QRSL1: variants seen among roughly 807,000 people sequenced by gnomAD.
QRSL1 encodes glutaminyl-tRNA amidotransferase subunit QRSL1.
A neutral mutation model predicts 61.6 loss-of-function variants in QRSL1; 54 were observed. That is an observed-to-expected ratio of 0.88 (90% CI 0.70 to 1.10). QRSL1 has a LOEUF of 1.10. Among genes scored for constraint, QRSL1 ranks in the 50% least tolerant of loss-of-function variants. QRSL1 has a pLI of 0.00. For synonymous variants in QRSL1, 228 were observed against 225.7 expected (o/e 1.01, Z -0.09); for missense variants, 505 against 622.6 (o/e 0.81, Z 2.01).
intron 5 of QRSL1, among the ~76,000 whole-genome samples, 175 bp downstream of exon 5, chr6:106,649,376 T>A (rs1286209289): frequency 1.3e-5 from 2 of 151,664 alleles, no homozygotes; most frequent in African/African-American, 4.9e-5. Flanking sequence ...CAGTACACTA[T>A]GTATATTTAA....
At chr6:106,644,040 T>C (rs1395719562) in intron 4 of QRSL1, among the ~76,000 whole-genome samples, 1 of 151,788 alleles carries the variant, frequency 6.6e-6, no homozygotes, top group Non-Finnish European at 1.5e-5. Flanking sequence ...CCCAGCTAAG[T>C]TTTGTATTTT....
At chr6:106,664,001 G>A (rs78339456) in intron 10 of QRSL1, among the ~76,000 whole-genome samples, 2,901 of 152,168 alleles carry the variant, frequency 0.019, 80 homozygotes, top group African/African-American at 0.068. Context: ...GAAAGTTTCA[G>A]ATGTCATGAC....
rs760348327 is a variant in QRSL1 at position 106,665,839 on chromosome 6, TGC to T, written c.1425_1426del (p.Gln476ValfsTer8). On this transcript the variant is annotated frameshift_variant, in exon 11 of 11. Transcript: ENST00000369046. LOFTEE classifies it high-confidence loss of function. ...TCAAACCAAGGGTTGCCAATAGGAC[TGC>T]AGTTTATTGGACGTGCGTTTTGTGA... 3 of 1,613,984 alleles carry T rather than the reference TGC, an allele frequency of 1.9e-6. No homozygotes were observed. Among genetic ancestry groups the T allele is most frequent in the Non-Finnish European group, 2.5e-6 (3 of 1,179,854 alleles).
chr6:106,666,316 C>T lies in QRSL1; in HGVS notation c.*314C>T, dbSNP rs1014607651. On this transcript the variant is annotated 3_prime_UTR_variant, in exon 11 of 11. Coordinates refer to ENST00000369046, the MANE Select transcript of QRSL1 (RefSeq NM_018292.5). ...TGGGTGACAAAGCAAGACTGTGTCT[C>T]AAAATAAATAAATAAAATAAAATAA... 8 of 270,858 alleles carry T rather than the reference C, an allele frequency of 3.0e-5. No individual in the cohort carries two copies. Among genetic ancestry groups the T allele is most frequent in the Non-Finnish European group, 5.7e-5 (8 of 140,758 alleles). 16.8% of individuals were successfully genotyped at this position (270,858 alleles called of 1,614,324 possible).
At chr6:106,642,572 G>A in intron 3 of QRSL1, 1 of 737,794 alleles carries the variant, frequency 1.4e-6, no homozygotes, top group Admixed American at 1.7e-5. Context: ...AGGTGATGTG[G>A]ACATCAAGGG....
intron 4 of QRSL1, among the ~76,000 whole-genome samples, chr6:106,645,257 T>C (rs1777089336): frequency 6.6e-6 from 1 of 152,228 alleles, no homozygotes; most frequent in Admixed American, 6.5e-5. Flanking sequence ...ACAAACAAGT[T>C]TAATGGGATT....
intron 4 of QRSL1, among the ~76,000 whole-genome samples, chr6:106,646,647 T>C (rs113388521): frequency 7.0e-6 from 1 of 143,614 alleles, no homozygotes; most frequent in African/African-American, 2.5e-5. Context: ...AAAAAAAAAA[T>C]TAAAAAAAAC....
At position 106,640,465 on chromosome 6, in the gene QRSL1, G is replaced by A. The variant is rs758616388; in HGVS notation, c.141G>A (p.Val47=). Residue 47 remains valine, a synonymous_variant, in exon 2 of 11, where the codon GTG becomes GTA. Coordinates refer to ENST00000369046, the MANE Select transcript of QRSL1 (RefSeq NM_018292.5). The part of the protein sequence containing the change: ...LNAYITVSEE[V]ALKQAEESEK... ...CCTACATTACTGTGTCAGAAGAGGTGGCCTTAAAACAAGCTGAAGAATCAG... is the reference window on the plus strand; with the variant it reads ...CCTACATTACTGTGTCAGAAGAGGTAGCCTTAAAACAAGCTGAAGAATCAG... The A allele has an allele frequency of 3.1e-5, 49 of 1,599,824 alleles. No homozygotes were observed. Among genetic ancestry groups the A allele is most frequent in the Admixed American group, 2.0e-4 (11 of 55,696 alleles).
chr6:106,641,462 C>G (rs1030649258), intron 3 of QRSL1, among the ~76,000 whole-genome samples: 1 of 152,134 alleles, frequency 6.6e-6, no homozygotes, highest in Admixed American at 6.5e-5. Context: ...TTTCCTGATT[C>G]CTCTATCTCT....
At chr6:106,635,761 C>A (rs1415845499) in intron 1 of QRSL1, among the ~76,000 whole-genome samples, 3 of 151,916 alleles carry the variant, frequency 2.0e-5, no homozygotes. Context: ...ATCCCAGCTA[C>A]TCAGGAGGCT....
At chr6:106,658,483 G>A (rs764383369) in intron 9 of QRSL1, among the ~76,000 whole-genome samples, 2 of 152,122 alleles carry the variant, frequency 1.3e-5, no homozygotes, top group Non-Finnish European at 2.9e-5. Flanking sequence ...GAGCCCAGGA[G>A]TGAGAGCCTG....
intron 1 of QRSL1, among the ~76,000 whole-genome samples, chr6:106,637,412 A>G (rs954431684): frequency 6.6e-6 from 1 of 152,158 alleles, no homozygotes; most frequent in Non-Finnish European, 1.5e-5. Context: ...AGAGGATAGG[A>G]GCAATAGTAA....
chr6:106,633,095 T>C (rs868404297), intron 1 of QRSL1, among the ~76,000 whole-genome samples: 1 of 152,248 alleles, frequency 6.6e-6, no homozygotes, highest in African/African-American at 2.4e-5. Flanking sequence ...AGAAAAGAAC[T>C]ATTTAGGAGA....
In QRSL1 at chr6:106,650,617, A is replaced by G. The variant is rs144393882; in HGVS notation, c.557+1416A>G. On this transcript the variant is annotated intron_variant, in intron 5 of 10. Transcript: ENST00000369046. ...TTTAAAATAGGAAGATTCCTGGAGTACTGTGCAGCCACTAAAAAGAATAAG... is the reference window on the plus strand; with the variant it reads ...TTTAAAATAGGAAGATTCCTGGAGTGCTGTGCAGCCACTAAAAAGAATAAG... Among the ~76,000 whole-genome samples, 277 of 152,310 alleles carry G rather than the reference A, an allele frequency of 1.8e-3. 1 individual carries two copies. The highest frequency in any genetic ancestry group is 6.4e-3 in the African/African-American group (268 of 41,574).
In QRSL1 at chr6:106,629,650, G is replaced by T; in HGVS notation, c.-32G>T. 1 of 1,595,740 alleles carries T rather than the reference G, an allele frequency of 6.3e-7. No homozygotes were observed. Among genetic ancestry groups the T allele is most frequent in the South Asian group, 1.1e-5 (1 of 87,540 alleles). On this transcript the variant is annotated 5_prime_UTR_variant, in exon 1 of 11. Coordinates refer to ENST00000369046, the MANE Select transcript of QRSL1 (RefSeq NM_018292.5). ...GTGACCTCTTTTTCCCCCTTGCCTGGCTCCTGTGGTGGCAGGCTGGGCACG... is the reference window on the plus strand; with the variant it reads ...GTGACCTCTTTTTCCCCCTTGCCTGTCTCCTGTGGTGGCAGGCTGGGCACG...
intron 1 of QRSL1, among the ~76,000 whole-genome samples, chr6:106,630,725 G>A (rs1310335672): frequency 6.6e-6 from 1 of 152,148 alleles, no homozygotes; most frequent in Non-Finnish European, 1.5e-5. Flanking sequence ...AGGCGCTGAT[G>A]ACCTAAACTG....
chr6:106,640,863 A>G lies in QRSL1; in HGVS notation c.225A>G (p.Val75=). The G allele has an allele frequency of 6.2e-7, 1 of 1,613,878 alleles. No individual in the cohort carries two copies. The highest frequency in any genetic ancestry group is 2.2e-5 in the East Asian group (1 of 44,798). Reference sequence around the variant, plus strand: ...ATTTAGATGGAATTCCTATTGCAGTAAAAGACAATTTCAGCACTTCTGGCA... The same window carrying G: ...ATTTAGATGGAATTCCTATTGCAGTGAAAGACAATTTCAGCACTTCTGGCA... ...LGDLDGIPIA[V]KDNFSTSGIE... The change falls in exon 3 of 11, where the codon GTA becomes GTG. Residue 75 remains valine (V), a synonymous_variant. Transcript: ENST00000369046.
At chr6:106,640,279 A>AC in intron 1 of QRSL1, 70 bp from the exon 2 acceptor site, 1 of 1,113,574 alleles carries the variant, frequency 9.0e-7, no homozygotes, top group Non-Finnish European at 1.3e-6. Flanking sequence ...ATCTCCCCCC[A>AC]CCCCCACCAA....
intron 4 of QRSL1, among the ~76,000 whole-genome samples, chr6:106,648,239 T>C (rs537191431): frequency 1.3e-5 from 2 of 151,796 alleles, no homozygotes; most frequent in Admixed American, 1.3e-4. Flanking sequence ...GAGGTTGCAG[T>C]GAGCCGAGAT....
Sources: gnomAD v4.1 joint callset for allele counts (sites outside exome capture counted in the v4.1 genomes callset) on GRCh38, gnomAD v4.1.1 for gene constraint, MANE v1.5 for transcripts, NCBI Gene and HGNC (gene_info 2026-07-23, HGNC 2026-07-21) for gene names.